The following HNF4G variants were observed in gnomAD, a reference collection of about 807,000 sequenced individuals.
HNF4G encodes hepatocyte nuclear factor 4-gamma.
A neutral mutation model predicts 50.9 loss-of-function variants in HNF4G; 21 were observed. That is an observed-to-expected ratio of 0.41 (90% CI 0.29 to 0.59). The LOEUF (loss-of-function observed/expected upper bound fraction) is 0.59. Among genes scored for constraint, HNF4G ranks in the 20% least tolerant of loss-of-function variants. The pLI, the probability that HNF4G is intolerant of heterozygous loss-of-function variation, is 0.26. For synonymous variants in HNF4G, 198 were observed against 185.6 expected (o/e 1.07, Z -0.54); for missense variants, 527 against 559.4 (o/e 0.94, Z 0.58).
intron 1 of HNF4G, among the ~76,000 whole-genome samples, chr8:75,443,970 A>C (rs1214143495): frequency 6.6e-6 from 1 of 152,128 alleles, no homozygotes; most frequent in Non-Finnish European, 1.5e-5. Context: ...TGAGAAATGA[A>C]GAATAGAGCA....
rs76204701 is a variant in HNF4G at position 75,550,494 on chromosome 8, G to A, written c.383-894G>A. 8.2e-3 allele frequency among the ~76,000 whole-genome samples: 1,247 copies of A among 151,980 alleles called. 62 individuals carry two copies. The East Asian group carries it at 0.15, about 19-fold the overall frequency. On this transcript the variant is annotated intron_variant, in intron 3 of 9. Transcript: ENST00000396423. ...CGCCTGGCTAATTTTTGTATTTTTA[G>A]TAGAGACGAGGTTTCACCATGTTGG...
intron 1 of HNF4G, among the ~76,000 whole-genome samples, chr8:75,462,076 GCTGT>G (rs1811866292): frequency 1.3e-5 from 2 of 151,518 alleles, no homozygotes; most frequent in Admixed American, 6.6e-5. Context: ...CACCACCATG[GCTGT>G]CTAATTTTGT....
chr8:75,526,478 T>G (rs2130756733), intron 2 of HNF4G, among the ~76,000 whole-genome samples: 1 of 152,276 alleles, frequency 6.6e-6, no homozygotes, highest in African/African-American at 2.4e-5. Flanking sequence ...TCTTCCTTCT[T>G]GTTTCAGTTC....
At position 75,531,556 on chromosome 8, in the gene HNF4G, A is replaced by G. The variant is rs147729358; in HGVS notation, c.-23-12255A>G. 3.6e-3 allele frequency among the ~76,000 whole-genome samples: 541 copies of G among 152,238 alleles called. 5 individuals carry two copies. The highest frequency in any genetic ancestry group is 0.012 in the African/African-American group (509 of 41,572). ...ATCAAAATAATTATTTGGATGAAAT[A>G]TCCCTTTTTCACACTGAACTTAAAC... On this transcript the variant is annotated intron_variant, in intron 2 of 10. Transcript: ENST00000354370.
At position 75,558,811 on chromosome 8, in the gene HNF4G, G is replaced by C; in HGVS notation, c.897G>C (p.Gly299=). ...AIVFFDPDAK[G]LSDPVKIKNM... ...TTATTCCTTTGTTAGATGCAAAAGG[G>C]CTAAGCGATCCAGTAAAAATTAAGA... is the stretch of plus-strand genomic sequence containing the variant. Residue 299 remains glycine, a synonymous_variant, in exon 8 of 10, where the codon GGG becomes GGC. Coordinates refer to ENST00000396423, the MANE Select transcript of HNF4G (RefSeq NM_004133.5). 6.2e-7 allele frequency: 1 copy of C among 1,613,602 alleles called. No homozygotes were observed. The highest frequency in any genetic ancestry group is 8.5e-7 in the Non-Finnish European group (1 of 1,179,646).
At chr8:75,492,407 A>G (rs1812651995) in intron 2 of HNF4G, among the ~76,000 whole-genome samples, 1 of 152,206 alleles carries the variant, frequency 6.6e-6, no homozygotes, top group Admixed American at 6.5e-5. Flanking sequence ...GAAAGATTAA[A>G]GGAGAAGCCA....
chr8:75,438,437 G>T (rs547090728), intron 1 of HNF4G, among the ~76,000 whole-genome samples: 17 of 152,228 alleles, frequency 1.1e-4, no homozygotes, highest in African/African-American at 4.1e-4. Flanking sequence ...CATTGTCCCT[G>T]TCCCTAACAT....
rs201390875 is a variant in HNF4G, at chr8:75,551,508, G to A, written c.489+14G>A. The A allele has an allele frequency of 3.2e-5, 45 of 1,424,044 alleles. No homozygotes were observed. Among genetic ancestry groups the A allele is most frequent in the Middle Eastern group, 1.8e-4 (1 of 5,680 alleles). The allele number at this position is 1,424,044 out of a possible 1,614,324, so 88.2% of individuals were successfully genotyped here. On this transcript the variant is annotated intron_variant, in intron 4 of 9. Coordinates refer to ENST00000396423, the MANE Select transcript of HNF4G (RefSeq NM_004133.5). ...CGGTCTCGCCAGGTACCTGTGGCAC[G>A]GCAGCATCAAACCCTATTTAATAAA... is the stretch of plus-strand genomic sequence containing the variant.
intron 1 of HNF4G, among the ~76,000 whole-genome samples, chr8:75,457,219 T>C (rs1811744113): frequency 6.6e-6 from 1 of 152,178 alleles, no homozygotes; most frequent in Admixed American, 6.6e-5. Flanking sequence ...AGGACCCACA[T>C]ACATCAGTTT....
At chr8:75,509,678 T>A (rs376039849) in intron 2 of HNF4G, among the ~76,000 whole-genome samples, 1 of 152,148 alleles carries the variant, frequency 6.6e-6, no homozygotes, top group African/African-American at 2.4e-5. Context: ...GGACCACATA[T>A]AAGGATGGTG....
chr8:75,556,920 C>T (rs1807145776), intron 6 of HNF4G, among the ~76,000 whole-genome samples: 1 of 152,044 alleles, frequency 6.6e-6, no homozygotes, highest in Non-Finnish European at 1.5e-5. Flanking sequence ...TGAAATAGCC[C>T]TAAGGGATTA....
At chr8:75,546,073 A>G (rs1040529328) in intron 2 of HNF4G, among the ~76,000 whole-genome samples, 5 of 152,140 alleles carry the variant, frequency 3.3e-5, no homozygotes, top group Admixed American at 3.3e-4. Context: ...GAAGAAGTAC[A>G]TTTTATAGGT....
intron 1 of HNF4G, among the ~76,000 whole-genome samples, chr8:75,456,666 T>A (rs189796080): frequency 1.3e-5 from 2 of 152,148 alleles, no homozygotes; most frequent in East Asian, 3.9e-4. Flanking sequence ...CAGAAGATGG[T>A]AAAATTAACA....
At chr8:75,505,407 T>C (rs1377676004) in intron 2 of HNF4G, among the ~76,000 whole-genome samples, 1 of 152,190 alleles carries the variant, frequency 6.6e-6, no homozygotes, top group Non-Finnish European at 1.5e-5. Context: ...TGGAATTGTC[T>C]GTATTCTAAC....
At chr8:75,411,607 C>T (rs1367930544) in intron 1 of HNF4G, among the ~76,000 whole-genome samples, 1 of 152,122 alleles carries the variant, frequency 6.6e-6, no homozygotes, top group Admixed American at 6.5e-5. Context: ...AAGATGGTTT[C>T]CTGGAAAACG....
At chr8:75,429,710 G>T (rs768741853) in intron 1 of HNF4G, among the ~76,000 whole-genome samples, 1 of 152,100 alleles carries the variant, frequency 6.6e-6, no homozygotes, top group African/African-American at 2.4e-5. Context: ...AAGCAGAAAG[G>T]CCGATCAGGT....
At chr8:75,408,802 G>A (rs1306676927) in intron 1 of HNF4G, among the ~76,000 whole-genome samples, 1 of 152,200 alleles carries the variant, frequency 6.6e-6, no homozygotes, top group African/African-American at 2.4e-5. Flanking sequence ...TCACTTGCGG[G>A]CAAGGGCAAG....
At chr8:75,480,396 G>T (rs1413769632) in intron 1 of HNF4G, among the ~76,000 whole-genome samples, 1 of 152,136 alleles carries the variant, frequency 6.6e-6, no homozygotes, top group Non-Finnish European at 1.5e-5. Context: ...AGCTACTACA[G>T]GTCTTCTCTC....
At chr8:75,475,111 G>A (rs1321057655) in intron 1 of HNF4G, among the ~76,000 whole-genome samples, 1 of 152,036 alleles carries the variant, frequency 6.6e-6, no homozygotes, top group Non-Finnish European at 1.5e-5. Context: ...CCGGGTTCAA[G>A]CGATTCTCCT....
Sources: allele counts gnomAD v4.1 joint callset (sites outside exome capture counted in the v4.1 genomes callset), GRCh38; gene constraint gnomAD v4.1.1; transcripts MANE v1.5; gene names NCBI Gene and HGNC (gene_info 2026-07-23, HGNC 2026-07-21).